Variants in ADAMTSL1 observed in about 807,000 individuals in gnomAD.
ADAMTSL1 encodes the protein ADAMTS-like protein 1.
In ADAMTSL1, 126 loss-of-function variants were observed where a neutral mutation model predicts 201.8. That is an observed-to-expected ratio of 0.62 (90% CI 0.54 to 0.72). The LOEUF (loss-of-function observed/expected upper bound fraction) is 0.72. ADAMTSL1 is among the 30% of genes least tolerant of loss of function. The pLI is 0.00. For missense variants in ADAMTSL1, 2,679 were observed against 2,277.8 expected, an observed-to-expected ratio of 1.18 and a Z score of -3.59; for synonymous variants, 1,121 against 903.4, an observed-to-expected ratio of 1.24 and a Z score of -4.32.
chr9:18,745,816 A>G (rs1306215080), intron 15 of ADAMTSL1, among the ~76,000 whole-genome samples: 1 of 152,148 alleles, frequency 6.6e-6, no homozygotes, highest in African/African-American at 2.4e-5. Context: ...CTCCTCTGAC[A>G]GTAAGAAATC....
intron 2 of ADAMTSL1, among the ~76,000 whole-genome samples, chr9:18,263,583 T>C (rs572803894): frequency 6.6e-6 from 1 of 152,292 alleles, no homozygotes; most frequent in Admixed American, 6.5e-5. Flanking sequence ...GAAGCCAAAT[T>C]TTTAGCTACT....
intron 2 of ADAMTSL1, among the ~76,000 whole-genome samples, chr9:18,415,701 A>G (rs1818643514): frequency 6.6e-6 from 1 of 152,132 alleles, no homozygotes; most frequent in African/African-American, 2.4e-5. Context: ...AAGAATCTCA[A>G]CAAACTCTAA....
At chr9:18,109,962 C>T (rs563439245) in intron 1 of ADAMTSL1, among the ~76,000 whole-genome samples, 25 of 152,172 alleles carry the variant, frequency 1.6e-4, no homozygotes, top group Admixed American at 2.0e-4. Context: ...CCTTGGGATA[C>T]GAGAGGAGTA....
intron 20 of ADAMTSL1, among the ~76,000 whole-genome samples, chr9:18,808,284 T>C (rs549761127): frequency 6.6e-6 from 1 of 152,358 alleles, no homozygotes; most frequent in African/African-American, 2.4e-5. Flanking sequence ...ACTCAAAATA[T>C]ATGCTAACGT....
intron 4 of ADAMTSL1, among the ~76,000 whole-genome samples, chr9:18,592,049 T>G (rs1217344853): frequency 6.6e-6 from 1 of 152,226 alleles, no homozygotes; most frequent in African/African-American, 2.4e-5. Flanking sequence ...CAATGCCGGC[T>G]GCAGGTGTTG....
intron 2 of ADAMTSL1, among the ~76,000 whole-genome samples, chr9:18,325,742 TTG>T (rs201601366): frequency 0.04 from 6,126 of 151,362 alleles, 295 homozygotes; most frequent in African/African-American, 0.13. Context: ...AAAAGGACCT[TTG>T]TTTTTTTTTT....
intron 5 of ADAMTSL1, among the ~76,000 whole-genome samples, chr9:18,632,156 G>A (rs956022049): frequency 6.6e-6 from 1 of 152,152 alleles, no homozygotes; most frequent in Non-Finnish European, 1.5e-5. Context: ...CATCCTAAGA[G>A]ATCTTAAACA....
intron 19 of ADAMTSL1, among the ~76,000 whole-genome samples, chr9:18,790,114 G>C (rs1051791278): frequency 3.3e-5 from 5 of 152,144 alleles, no homozygotes; most frequent in African/African-American, 1.2e-4. Flanking sequence ...TCATTTATTA[G>C]CTTTATCTGG....
intron 2 of ADAMTSL1, among the ~76,000 whole-genome samples, chr9:18,258,370 A>G (rs1003914688): frequency 2.0e-5 from 3 of 152,234 alleles, no homozygotes; most frequent in Admixed American, 1.3e-4. Flanking sequence ...AGAGTTGGAG[A>G]TGACAGAACA....
chr9:18,622,153 A>T (rs1587725821), intron 4 of ADAMTSL1, 90 bp from the exon 5 acceptor site: 1 of 1,515,120 alleles, frequency 6.6e-7, no homozygotes, highest in South Asian at 1.2e-5. Context: ...TCAGGGATGA[A>T]GGGAGGGTTA....
At chr9:18,130,628 CT>C (rs1182636316) in intron 1 of ADAMTSL1, among the ~76,000 whole-genome samples, 1 of 152,206 alleles carries the variant, frequency 6.6e-6, no homozygotes, top group African/African-American at 2.4e-5. Context: ...CGGATTATGT[CT>C]TTTAGATGGC....
upstream of ADAMTSL1, among the ~76,000 whole-genome samples, chr9:18,472,934 C>T (rs1483192916): frequency 2.0e-5 from 3 of 152,178 alleles, no homozygotes; most frequent in Non-Finnish European, 4.4e-5. Context: ...TGACACTTTT[C>T]TAAAACTGTA....
chr9:18,454,635 G>A (rs1453110458), intron 2 of ADAMTSL1, among the ~76,000 whole-genome samples: 1 of 152,114 alleles, frequency 6.6e-6, no homozygotes, highest in Admixed American at 6.5e-5. Context: ...ACCAGGTCAG[G>A]ATTCCAGAAA....
chr9:18,808,950 A>G (rs899784684), intron 20 of ADAMTSL1, among the ~76,000 whole-genome samples: 2 of 151,296 alleles, frequency 1.3e-5, no homozygotes, highest in African/African-American at 4.9e-5. Flanking sequence ...TTGTTATCCA[A>G]AAAATCCAGA....
intron 2 of ADAMTSL1, among the ~76,000 whole-genome samples, chr9:18,298,982 A>G (rs1677871988): frequency 1.3e-5 from 2 of 150,610 alleles, no homozygotes; most frequent in African/African-American, 4.9e-5. Context: ...ACTGCACTCC[A>G]GCCTGGGCGA....
chr9:18,882,340 T>A (rs7858574), intron 23 of ADAMTSL1, among the ~76,000 whole-genome samples: 1 of 152,112 alleles, frequency 6.6e-6, no homozygotes, highest in African/African-American at 2.4e-5. Context: ...TGGCCCTTTT[T>A]TTTTCCTTCA....
chr9:18,612,467 G>A (rs1443838157), intron 4 of ADAMTSL1, among the ~76,000 whole-genome samples: 1 of 152,118 alleles, frequency 6.6e-6, no homozygotes, highest in Non-Finnish European at 1.5e-5. Context: ...GTTGCTTGCT[G>A]TATGCCAGGC....
intron 4 of ADAMTSL1, among the ~76,000 whole-genome samples, chr9:18,598,638 T>C (rs17803363): frequency 0.18 from 26,845 of 151,966 alleles, 2,541 homozygotes; most frequent in Middle Eastern, 0.27. Flanking sequence ...AGTGGGAAAC[T>C]TCACCAACAA....
intron 1 of ADAMTSL1, among the ~76,000 whole-genome samples, chr9:18,074,370 A>G (rs1321734819): frequency 6.6e-6 from 1 of 152,170 alleles, no homozygotes; most frequent in Non-Finnish European, 1.5e-5. Context: ...GAGCAGAGAA[A>G]CGAAGAGTAT....
Sources: gnomAD v4.1 joint callset for allele counts (sites outside exome capture counted in the v4.1 genomes callset) on GRCh38, gnomAD v4.1.1 for gene constraint, MANE v1.5 for transcripts, NCBI Gene and HGNC (gene_info 2026-07-23, HGNC 2026-07-21) for gene names.